Variants in USP37 observed in about 807,000 individuals in gnomAD.
The protein encoded by USP37 is ubiquitin carboxyl-terminal hydrolase 37.
USP37 carries 27 observed loss-of-function variants against 124.0 expected under a neutral mutation model. The observed-to-expected ratio is 0.22, with a 90% CI of 0.16 to 0.30. USP37 has a LOEUF of 0.30. Ranked by LOEUF, USP37 falls within the 10% of genes least tolerant of loss-of-function variation. The pLI is 1.00. For synonymous variants in USP37, 365 were observed against 388.0 expected, an observed-to-expected ratio of 0.94 and a Z score of 0.70; for missense variants, 889 against 1,140.4, an observed-to-expected ratio of 0.78 and a Z score of 3.17.
rs61488353 is a variant in USP37 at position 218,557,930 on chromosome 2, C to CAAAAAAAAAAAAAAA, written c.156+553_156+567dup. On this transcript the variant is annotated intron_variant, in intron 4 of 25. Transcript: ENST00000258399. Reference sequence around the variant, plus strand: ...TGGGTGACAGAGGAAGACTCTGTCTCAAAAAAAAAAAAAAAAAAAAGGTGA... The same window carrying CAAAAAAAAAAAAAAA: ...TGGGTGACAGAGGAAGACTCTGTCTCAAAAAAAAAAAAAAAAAAAAAAAAAAAAAAAAAAAGGTGA... Among the ~76,000 whole-genome samples the CAAAAAAAAAAAAAAA allele has an allele frequency of 1.2e-3, 43 of 35,666 alleles. 6 individuals are homozygous for CAAAAAAAAAAAAAAA. The highest frequency in any genetic ancestry group is 0.011 in the East Asian group (5 of 438). 23.4% of individuals were successfully genotyped at this position (35,666 alleles called of 152,430 possible). A position where few individuals can be genotyped will look rare whatever the true frequency, so the allele number is the denominator to read the frequency against.
At chr2:218,456,446 G>C (rs1689704445) in intron 24 of USP37, among the ~76,000 whole-genome samples, 1 of 149,258 alleles carries the variant, frequency 6.7e-6, no homozygotes, top group African/African-American at 2.5e-5. Context: ...GTGACAGAGT[G>C]AGACCCTGTC....
chr2:218,503,880 G>A (rs1340067451), intron 11 of USP37, among the ~76,000 whole-genome samples: 1 of 152,122 alleles, frequency 6.6e-6, no homozygotes, highest in African/African-American at 2.4e-5. Flanking sequence ...TAGCAAGATG[G>A]TAGACTTAAA....
intron 11 of USP37, among the ~76,000 whole-genome samples, chr2:218,508,758 C>A (rs1190019203): frequency 6.6e-6 from 1 of 152,132 alleles, no homozygotes; most frequent in East Asian, 1.9e-4. Flanking sequence ...AAGAAAGCAA[C>A]AGGTAAGCAG....
intron 22 of USP37, 136 bp from the exon 23 acceptor site, chr2:218,460,041 A>T: frequency 2.5e-6 from 1 of 399,610 alleles, no homozygotes; most frequent in Non-Finnish European, 4.5e-6. Flanking sequence ...GACCAGCCTG[A>T]CCAACATGGT....
chr2:218,474,947 A>T, intron 19 of USP37, 62 bp from the exon 20 acceptor site: 1 of 1,492,142 alleles, frequency 6.7e-7, no homozygotes, highest in Non-Finnish European at 8.9e-7. Flanking sequence ...AATCTTAATT[A>T]GTATTTAAAG....
At position 218,555,541 on chromosome 2, in the gene USP37, TTCAG is replaced by T. The variant is rs151308072; in HGVS notation, c.157-1821_157-1818del. Among the ~76,000 whole-genome samples, 602 of 152,292 alleles carry T rather than the reference TTCAG, an allele frequency of 4.0e-3. 2 individuals are homozygous for T. Among genetic ancestry groups the T allele is most frequent in the East Asian group, 0.018 (94 of 5,184 alleles). On this transcript the variant is annotated intron_variant, in intron 4 of 25. Transcript: ENST00000258399. ...AAATAGATAACATTAAACGCATTAT[TTCAG>T]TCAATTTATCACTTTTTAAAAATTA...
In USP37 at chr2:218,500,886, T is replaced by A. The variant is rs192383978; in HGVS notation, c.1026-2729A>T. The A allele has an allele frequency of 2.1e-4, 35 of 163,548 alleles. 1 individual carries two copies. The highest frequency in any genetic ancestry group is 4.2e-4 in the South Asian group (2 of 4,776). The allele number at this position is 163,548 out of a possible 1,614,324, so 10.1% of individuals were successfully genotyped here. ...ACCAGTCCTCCTCTATTGGGGATGG[T>A]CATCCTCTTTGACTGAGCACGCAGG... On this transcript the variant is annotated intron_variant, in intron 11 of 25. Transcript: ENST00000258399.
chr2:218,516,714 AAT>A (rs1445372855), intron 10 of USP37, among the ~76,000 whole-genome samples: 1 of 152,174 alleles, frequency 6.6e-6, no homozygotes, highest in African/African-American at 2.4e-5. Flanking sequence ...AATAAAATAA[AAT>A]AAAAAAATCA....
intron 21 of USP37, among the ~76,000 whole-genome samples, chr2:218,464,988 G>A (rs1394681253): frequency 1.3e-5 from 2 of 152,082 alleles, no homozygotes; most frequent in Non-Finnish European, 1.5e-5. Context: ...GCCTAGGCAG[G>A]AGAATTGCTT....
chr2:218,516,482 T>G (rs1479953977), intron 10 of USP37, among the ~76,000 whole-genome samples: 1 of 151,696 alleles, frequency 6.6e-6, no homozygotes, highest in Non-Finnish European at 1.5e-5. Flanking sequence ...TAAGTAGCAG[T>G]TGAGCAATGA....
At chr2:218,515,702 C>T (rs1260484632) in intron 10 of USP37, among the ~76,000 whole-genome samples, 5 of 152,168 alleles carry the variant, frequency 3.3e-5, no homozygotes, top group African/African-American at 9.7e-5. Context: ...CAAATGGGAT[C>T]TAATTAAACT....
intron 20 of USP37, among the ~76,000 whole-genome samples, chr2:218,471,039 G>C (rs1269091556): frequency 6.6e-6 from 1 of 152,140 alleles, no homozygotes; most frequent in African/African-American, 2.4e-5. Context: ...AAACAAATAA[G>C]AAAGTATTAC....
chr2:218,567,615 C>T (rs752157608), intron 1 of USP37, among the ~76,000 whole-genome samples: 48 of 152,218 alleles, frequency 3.2e-4, no homozygotes, highest in Non-Finnish European at 6.0e-4. Context: ...AGAGGAATAC[C>T]CCAAAACCAC....
intron 10 of USP37, among the ~76,000 whole-genome samples, chr2:218,525,576 A>G (rs1690911041): frequency 6.6e-6 from 1 of 152,346 alleles, no homozygotes; most frequent in South Asian, 2.1e-4. Flanking sequence ...TACTCTGCTA[A>G]TAATATCTAA....
intron 8 of USP37, among the ~76,000 whole-genome samples, chr2:218,541,284 TGCAG>T (rs1345433675): frequency 6.6e-6 from 1 of 152,156 alleles, no homozygotes; most frequent in Non-Finnish European, 1.5e-5. Flanking sequence ...GAGCTCCTCA[TGCAG>T]GCAGATTCAT....
intron 17 of USP37, 48 bp downstream of exon 17, chr2:218,482,022 T>C (rs1178553235): frequency 6.5e-7 from 1 of 1,530,022 alleles, no homozygotes; most frequent in South Asian, 1.3e-5. Flanking sequence ...TACTAAAGCC[T>C]TTCTATTTCA....
intron 10 of USP37, among the ~76,000 whole-genome samples, chr2:218,517,522 G>A (rs1233851614): frequency 6.6e-6 from 1 of 152,092 alleles, no homozygotes; most frequent in East Asian, 1.9e-4. Flanking sequence ...TTCTATGTTG[G>A]CAGTTATTTT....
intron 3 of USP37, among the ~76,000 whole-genome samples, chr2:218,559,622 T>C (rs1280012222): frequency 6.6e-6 from 1 of 152,200 alleles, no homozygotes; most frequent in Non-Finnish European, 1.5e-5. Flanking sequence ...TTACCAATTT[T>C]ATCTTTAACA....
At chr2:218,532,844 G>A (rs1289655425) in intron 9 of USP37, among the ~76,000 whole-genome samples, 2 of 151,694 alleles carry the variant, frequency 1.3e-5, no homozygotes, top group African/African-American at 4.8e-5. Context: ...GTGGGAGACA[G>A]CCTAAGCCCA....
Sources: gnomAD v4.1 joint callset for allele counts (sites outside exome capture counted in the v4.1 genomes callset) on GRCh38, gnomAD v4.1.1 for gene constraint, MANE v1.5 for transcripts, NCBI Gene and HGNC (gene_info 2026-07-23, HGNC 2026-07-21) for gene names.